The following BYSL variants were observed in gnomAD, a reference collection of about 807,000 sequenced individuals.
BYSL encodes bystin.
A neutral mutation model predicts 45.4 loss-of-function variants in BYSL; 21 were observed. The ratio of observed to expected loss-of-function variants is 0.46; its 90% confidence interval spans 0.33 to 0.67. The LOEUF (loss-of-function observed/expected upper bound fraction) is 0.67. Among genes scored for constraint, BYSL ranks in the 30% least tolerant of loss-of-function variants. The pLI, the probability that BYSL is intolerant of heterozygous loss-of-function variation, is 0.02. For synonymous variants in BYSL, 215 were observed against 231.3 expected, an observed-to-expected ratio of 0.93 and a Z score of 0.64; for missense variants, 522 against 578.5, an observed-to-expected ratio of 0.90 and a Z score of 1.00.
the BYSL span, among the ~76,000 whole-genome samples, chr6:41,911,458 G>C: frequency 6.6e-6 from 1 of 152,038 alleles, no homozygotes; most frequent in South Asian, 2.1e-4. Context: ...GCTGAGATAG[G>C]CTAAAAACTT....
chr6:41,929,391 G>A (rs769974156), intron 2 of BYSL, among the ~76,000 whole-genome samples: 6 of 152,166 alleles, frequency 3.9e-5, no homozygotes, highest in East Asian at 1.9e-4. Flanking sequence ...CCAGCTACTC[G>A]AGAGACTGAG....
upstream of BYSL, among the ~76,000 whole-genome samples, chr6:41,919,472 T>C (rs80032753): frequency 3.9e-3 from 595 of 152,288 alleles, 4 homozygotes; most frequent in African/African-American, 0.014. Flanking sequence ...GTCACTACTC[T>C]ATCAGAAAAA....
the BYSL span, among the ~76,000 whole-genome samples, chr6:41,916,244 C>G: frequency 6.8e-6 from 1 of 146,848 alleles, no homozygotes; most frequent in Non-Finnish European, 1.5e-5. Flanking sequence ...GAGCAAAACC[C>G]TATCTCAAAA....
chr6:41,928,138 A>G (rs977061258), intron 2 of BYSL, among the ~76,000 whole-genome samples: 2 of 152,194 alleles, frequency 1.3e-5, no homozygotes, highest in African/African-American at 2.4e-5. Context: ...ATTCCCATCT[A>G]TAATAAATGC....
At chr6:41,911,024 G>A in the BYSL span, among the ~76,000 whole-genome samples, 6 of 150,054 alleles carry the variant, frequency 4.0e-5, no homozygotes, top group South Asian at 2.1e-4. Flanking sequence ...CAGGAGAAGC[G>A]CTTGAACCCA....
chr6:41,928,865 ACT>A (rs2127385977), intron 2 of BYSL, among the ~76,000 whole-genome samples: 1 of 152,098 alleles, frequency 6.6e-6, no homozygotes, highest in Non-Finnish European at 1.5e-5. Context: ...TGTTGCGCTG[ACT>A]CTAGGACTGA....
upstream of BYSL, among the ~76,000 whole-genome samples, chr6:41,918,968 A>AT (rs1477193960): frequency 1.7e-3 from 254 of 147,104 alleles, 2 homozygotes; most frequent in South Asian, 3.1e-3. Context: ...AAAAAAAAAA[A>AT]ATACAAAAAA....
At chr6:41,931,287 C>T in intron 4 of BYSL, 109 bp from the exon 5 acceptor site, 1 of 1,297,790 alleles carries the variant, frequency 7.7e-7, no homozygotes, top group Non-Finnish European at 1.1e-6. Context: ...AAGAAAGGTC[C>T]CATATTTTAC....
upstream of BYSL, among the ~76,000 whole-genome samples, chr6:41,919,019 C>T (rs1157214619): frequency 6.7e-6 from 1 of 148,758 alleles, no homozygotes; most frequent in Non-Finnish European, 1.5e-5. Flanking sequence ...GTCCCAGCTA[C>T]TCGGGAGGCT....
chr6:41,920,897 C>G (rs1262328429), upstream of BYSL: 7 of 1,437,928 alleles, frequency 4.9e-6, no homozygotes, highest in South Asian at 1.4e-5. Flanking sequence ...CTACACAACC[C>G]GAGGACATCT....
chr6:41,912,516 C>T, the BYSL span, among the ~76,000 whole-genome samples: 1 of 151,850 alleles, frequency 6.6e-6, no homozygotes, highest in African/African-American at 2.4e-5. Flanking sequence ...GCCACCATGC[C>T]TGGCTAATAT....
chr6:41,917,566 G>A, upstream of BYSL: 2 of 339,032 alleles, frequency 5.9e-6, no homozygotes, highest in South Asian at 4.4e-5. Flanking sequence ...CACAGTCCCT[G>A]AGAGCCCCTC....
chr6:41,914,202 C>G, the BYSL span, among the ~76,000 whole-genome samples: 1 of 152,102 alleles, frequency 6.6e-6, no homozygotes, highest in Non-Finnish European at 1.5e-5. Context: ...GTGCTGTTGT[C>G]GGAGGCAGGA....
chr6:41,920,051 A>G (rs369573982), upstream of BYSL, among the ~76,000 whole-genome samples: 16 of 152,192 alleles, frequency 1.1e-4, no homozygotes, highest in African/African-American at 3.4e-4. Context: ...CTGAGATAAG[A>G]AAAAAATGTT....
the BYSL span, among the ~76,000 whole-genome samples, chr6:41,916,262 TAAAA>T: frequency 1.3e-5 from 1 of 77,738 alleles, no homozygotes; most frequent in Non-Finnish European, 2.6e-5. Context: ...AAAAAATAAA[TAAAA>T]TAAAATAAAA....
At chr6:41,916,334 CT>C in the BYSL span, among the ~76,000 whole-genome samples, 3 of 152,084 alleles carry the variant, frequency 2.0e-5, no homozygotes, top group African/African-American at 7.2e-5. Flanking sequence ...AATCCCAGCA[CT>C]TTGGGAGGCC....
At position 41,927,427 on chromosome 6, in the gene BYSL, C is replaced by G. The variant is rs1424049874; in HGVS notation, c.322C>G (p.Leu108Val). The G allele has an allele frequency of 6.2e-7, 1 of 1,614,040 alleles. No individual in the cohort carries two copies. The highest frequency in any genetic ancestry group is 2.2e-5 in the East Asian group (1 of 44,896). Residue 108 changes from leucine to valine, a missense_variant, in exon 2 of 7, where the codon CTG becomes GTG. Physicochemically the swap from Leu to Val is conservative, Grantham distance 32. Coordinates refer to ENST00000230340, the MANE Select transcript of BYSL (RefSeq NM_004053.4). ...SDDEDEEWPT[L>V]EKAATMTAAG... ...TGACGAGGACGAGGAGTGGCCCACCCTGGAGAAGGCTGCCACAATGACAGC... is the reference window on the plus strand; with the variant it reads ...TGACGAGGACGAGGAGTGGCCCACCGTGGAGAAGGCTGCCACAATGACAGC...
chr6:41,931,999 A>G (rs879793973), intron 6 of BYSL, among the ~76,000 whole-genome samples, 169 bp downstream of exon 6: 1 of 152,202 alleles, frequency 6.6e-6, no homozygotes, highest in Non-Finnish European at 1.5e-5. Flanking sequence ...TAAGTTGTGC[A>G]ACAACAGGGC....
intron 1 of BYSL, among the ~76,000 whole-genome samples, chr6:41,926,353 T>C (rs912352342): frequency 6.6e-6 from 1 of 152,270 alleles, no homozygotes; most frequent in African/African-American, 2.4e-5. Flanking sequence ...TGTCCTCATT[T>C]GAAACTGGGT....
Sources: gnomAD v4.1 joint callset for allele counts (sites outside exome capture counted in the v4.1 genomes callset) on GRCh38, gnomAD v4.1.1 for gene constraint, MANE v1.5 for transcripts, NCBI Gene and HGNC (gene_info 2026-07-23, HGNC 2026-07-21) for gene names.